Variants in GAS7 observed in about 807,000 individuals in gnomAD.
GAS7 encodes the protein growth arrest-specific protein 7.
Under a neutral mutation model 71.1 loss-of-function variants are expected in GAS7, and 28 were observed. The observed-to-expected ratio is 0.39, with a 90% CI of 0.29 to 0.54. The LOEUF (loss-of-function observed/expected upper bound fraction) is 0.54, where lower values mean the gene tolerates loss of function less well. Ranked by LOEUF, GAS7 falls within the 20% of genes least tolerant of loss-of-function variation. The probability of loss-of-function intolerance (pLI) is 0.62; values close to 1 mark genes in which losing one functional copy is unlikely to be tolerated. For missense variants in GAS7, 436 were observed against 627.8 expected, an observed-to-expected ratio of 0.69 and a Z score of 3.27; for synonymous variants, 258 against 245.8, an observed-to-expected ratio of 1.05 and a Z score of -0.46.
At chr17:9,964,771 A>T (rs956612276) in intron 4 of GAS7, among the ~76,000 whole-genome samples, 2 of 152,098 alleles carry the variant, frequency 1.3e-5, no homozygotes, top group African/African-American at 4.8e-5. Context: ...CAGCCATAAA[A>T]CTCCATCAAC....
At chr17:10,096,605 C>A (rs1045197255) in intron 1 of GAS7, among the ~76,000 whole-genome samples, 1 of 148,862 alleles carries the variant, frequency 6.7e-6, no homozygotes, top group African/African-American at 2.4e-5. Flanking sequence ...ACCCACCCAA[C>A]AGACCCAGGC....
At chr17:10,113,401 A>G (rs1239833060) in intron 1 of GAS7, among the ~76,000 whole-genome samples, 1 of 152,232 alleles carries the variant, frequency 6.6e-6, no homozygotes, top group Non-Finnish European at 1.5e-5. Context: ...CACAGCAGCA[A>G]CAGGTAAAGG....
intron 7 of GAS7, 140 bp from the exon 8 acceptor site, chr17:9,940,340 C>T (rs1477557467): frequency 2.8e-6 from 2 of 711,738 alleles, no homozygotes; most frequent in East Asian, 2.5e-5. Flanking sequence ...TGTCTGTCTA[C>T]CTGACATGCA....
intron 1 of GAS7, among the ~76,000 whole-genome samples, chr17:10,180,832 C>G (rs192547643): frequency 5.3e-5 from 8 of 152,088 alleles, no homozygotes; most frequent in Non-Finnish European, 5.9e-5. Flanking sequence ...AACTCAGAAT[C>G]TGGTATTCAT....
Position 10,196,217 on chromosome 17 carries a change from C to G in GAS7, c.183+1991G>C, listed in dbSNP as rs1277447842. ...ATCATGTTTAAAAAAGGCACAGGCG[C>G]AGGGGGTGATACTCAGTCATCTGAG... On this transcript the variant is annotated intron_variant, in intron 1 of 13. Coordinates refer to ENST00000432992, the MANE Select transcript of GAS7 (RefSeq NM_201433.2). 2.6e-5 allele frequency among the ~76,000 whole-genome samples: 4 copies of G among 152,138 alleles called. No homozygotes were observed. In the East Asian group the frequency reaches 7.7e-4, roughly 29 times the overall value.
chr17:10,018,984 C>T (rs776702639), intron 2 of GAS7, among the ~76,000 whole-genome samples: 2 of 152,216 alleles, frequency 1.3e-5, no homozygotes, highest in Non-Finnish European at 2.9e-5. Flanking sequence ...CAAGACACAG[C>T]TCTGTTCAGC....
chr17:10,148,604 A>C (rs1050280855), intron 1 of GAS7, among the ~76,000 whole-genome samples: 4 of 146,704 alleles, frequency 2.7e-5, no homozygotes, highest in African/African-American at 1.0e-4. Context: ...GGCAACAGAG[A>C]AACACTCAAG....
At chr17:10,022,898 C>T (rs1389561637) in intron 1 of GAS7, among the ~76,000 whole-genome samples, 4 of 152,204 alleles carry the variant, frequency 2.6e-5, no homozygotes, top group Admixed American at 6.5e-5. Context: ...CTGGCCAGTG[C>T]GTTCTGGTGA....
intron 1 of GAS7, among the ~76,000 whole-genome samples, chr17:10,025,793 C>T (rs922573025): frequency 1.3e-5 from 2 of 152,146 alleles, no homozygotes; most frequent in Non-Finnish European, 2.9e-5. Flanking sequence ...CTGGGTGAGT[C>T]CTGTGCTCTA....
At chr17:10,006,268 AG>A (rs1160636329) in intron 2 of GAS7, among the ~76,000 whole-genome samples, 1 of 148,152 alleles carries the variant, frequency 6.7e-6, no homozygotes, top group African/African-American at 2.5e-5. Flanking sequence ...TCCGGATGCC[AG>A]GGTGCTAAGC....
intron 2 of GAS7, among the ~76,000 whole-genome samples, chr17:10,016,384 C>CAAAAAA (rs1217937101): frequency 0.038 from 2,694 of 71,272 alleles, 78 homozygotes; most frequent in African/African-American, 0.086. Flanking sequence ...GACTCCGTCT[C>CAAAAAA]AAAAAAAAAA....
chr17:10,020,027 C>A, intron 1 of GAS7, 130 bp from the exon 2 acceptor site: 1 of 868,382 alleles, frequency 1.2e-6, no homozygotes, highest in East Asian at 2.5e-5. Flanking sequence ...CCATAAACCC[C>A]TGAGGTCAGA....
intron 2 of GAS7, among the ~76,000 whole-genome samples, chr17:9,990,926 A>G (rs931390699): frequency 1.3e-5 from 2 of 152,146 alleles, no homozygotes; most frequent in African/African-American, 4.8e-5. Flanking sequence ...CAAAAATCCC[A>G]GATCTATTCC....
intron 7 of GAS7, 38 bp from the exon 8 acceptor site, chr17:9,940,238 A>G (rs777449662): frequency 1.9e-6 from 3 of 1,539,438 alleles, no homozygotes; most frequent in Non-Finnish European, 2.7e-6. Flanking sequence ...TCAGCTCTCC[A>G]GTGCCAGATC....
intron 5 of GAS7, among the ~76,000 whole-genome samples, chr17:9,948,710 G>T (rs949673927): frequency 1.2e-4 from 18 of 152,106 alleles, no homozygotes; most frequent in Non-Finnish European, 2.1e-4. Flanking sequence ...TGGGTTGCAC[G>T]TGTAAGGCTG....
chr17:9,925,376 G>T, intron 11 of GAS7, 100 bp downstream of exon 11: 1 of 1,237,364 alleles, frequency 8.1e-7, no homozygotes, highest in Non-Finnish European at 1.2e-6. Flanking sequence ...CTGCAGTCTT[G>T]CAAAGGAGAG....
intron 1 of GAS7, among the ~76,000 whole-genome samples, chr17:10,047,543 G>A (rs543380524): frequency 6.6e-6 from 1 of 152,308 alleles, no homozygotes; most frequent in African/African-American, 2.4e-5. Context: ...CAAAAGCAGG[G>A]TGAGGAAACA....
At chr17:10,174,752 T>C (rs1055111117) in intron 1 of GAS7, among the ~76,000 whole-genome samples, 1 of 152,062 alleles carries the variant, frequency 6.6e-6, no homozygotes, top group Non-Finnish European at 1.5e-5. Context: ...GTGAGGAATT[T>C]GACTTCAGGC....
At chr17:10,029,488 T>C (rs777995150) in intron 1 of GAS7, among the ~76,000 whole-genome samples, 1 of 152,204 alleles carries the variant, frequency 6.6e-6, no homozygotes, top group South Asian at 2.1e-4. Flanking sequence ...TATACAATCA[T>C]GTATACATGT....
Sources: allele counts gnomAD v4.1 joint callset (sites outside exome capture counted in the v4.1 genomes callset), GRCh38; gene constraint gnomAD v4.1.1; transcripts MANE v1.5; gene names NCBI Gene and HGNC (gene_info 2026-07-23, HGNC 2026-07-21).